CSMD1: variants seen among roughly 807,000 people sequenced by gnomAD.
CSMD1 encodes CUB and Sushi multiple domains 1, also known as CUB and sushi domain-containing protein 1.
A neutral mutation model predicts 417.5 loss-of-function variants in CSMD1; 213 were observed. The observed-to-expected ratio is 0.51, with a 90% confidence interval of 0.46 to 0.57. CSMD1 has a LOEUF of 0.57. CSMD1 is among the 20% of genes least tolerant of loss of function. The probability of loss-of-function intolerance (pLI) is 0.00; values close to 1 mark genes in which losing one functional copy is unlikely to be tolerated. For missense variants in CSMD1, 6,923 were observed against 4,529.7 expected (o/e 1.53, Z -15.17); for synonymous variants, 2,862 against 1,736.8 (o/e 1.65, Z -16.11).
intron 5 of CSMD1, among the ~76,000 whole-genome samples, chr8:3,793,775 A>G (rs1333823231): frequency 6.6e-6 from 1 of 152,176 alleles, no homozygotes; most frequent in East Asian, 1.9e-4. Context: ...ACTTGACGAC[A>G]GAGACCTTGC....
At chr8:4,465,289 C>A (rs1454756912) in intron 2 of CSMD1, among the ~76,000 whole-genome samples, 1 of 152,114 alleles carries the variant, frequency 6.6e-6, no homozygotes, top group East Asian at 1.9e-4. Flanking sequence ...CAGGTGCTAA[C>A]CCAGACACTA....
intron 3 of CSMD1, among the ~76,000 whole-genome samples, chr8:4,072,336 C>T (rs899629656): frequency 2.0e-5 from 3 of 152,152 alleles, no homozygotes; most frequent in African/African-American, 7.2e-5. Context: ...TTCTACTTGA[C>T]ACAAACGTAC....
intron 3 of CSMD1, among the ~76,000 whole-genome samples, chr8:4,384,969 G>A (rs1484137306): frequency 1.3e-5 from 2 of 152,174 alleles, no homozygotes; most frequent in Admixed American, 6.5e-5. Flanking sequence ...CACCCAGGAT[G>A]GAGTGCAATG....
intron 5 of CSMD1, among the ~76,000 whole-genome samples, chr8:3,995,046 C>T (rs13281307): frequency 0.22 from 32,954 of 152,002 alleles, 3,902 homozygotes; most frequent in South Asian, 0.37. Flanking sequence ...CTATGCAATT[C>T]GGGAATGGGG....
chr8:3,006,888 A>G (rs1186859341), intron 52 of CSMD1, among the ~76,000 whole-genome samples: 2 of 141,502 alleles, frequency 1.4e-5, no homozygotes, highest in African/African-American at 6.2e-5. Context: ...CTAAAACACC[A>G]AAAGCAATGG....
intron 2 of CSMD1, among the ~76,000 whole-genome samples, chr8:4,474,903 A>G (rs1221462390): frequency 6.6e-6 from 1 of 152,206 alleles, no homozygotes; most frequent in East Asian, 1.9e-4. Context: ...TTCTTGTAAG[A>G]CTATACATAT....
intron 2 of CSMD1, among the ~76,000 whole-genome samples, chr8:4,470,698 G>C (rs1164656724): frequency 2.0e-5 from 3 of 152,092 alleles, no homozygotes; most frequent in Non-Finnish European, 2.9e-5. Flanking sequence ...TGGTACGAAA[G>C]AGTAAAGACA....
At chr8:3,251,160 T>A (rs1206428516) in intron 26 of CSMD1, among the ~76,000 whole-genome samples, 7 of 152,306 alleles carry the variant, frequency 4.6e-5, no homozygotes, top group South Asian at 2.1e-4. Flanking sequence ...CTGAATGGTA[T>A]TGCCTAGGTT....
At chr8:4,081,616 T>G (rs1297225059) in intron 3 of CSMD1, among the ~76,000 whole-genome samples, 1 of 152,132 alleles carries the variant, frequency 6.6e-6, no homozygotes, top group Non-Finnish European at 1.5e-5. Flanking sequence ...ATAAATTTTT[T>G]GAAGGACAAA....
intron 3 of CSMD1, among the ~76,000 whole-genome samples, chr8:4,408,861 T>TA (rs1475634574): frequency 1.3e-5 from 2 of 152,150 alleles, no homozygotes; most frequent in African/African-American, 4.8e-5. Context: ...AAAATATACT[T>TA]ACGTTTAGAA....
At chr8:4,774,904 G>A (rs1283963453) in intron 1 of CSMD1, among the ~76,000 whole-genome samples, 2 of 152,158 alleles carry the variant, frequency 1.3e-5, no homozygotes, top group African/African-American at 4.8e-5. Context: ...CTCCGCAGAA[G>A]CCAGGCAGCT....
intron 3 of CSMD1, among the ~76,000 whole-genome samples, chr8:4,228,183 G>C (rs1293281107): frequency 6.6e-6 from 1 of 152,144 alleles, no homozygotes; most frequent in Non-Finnish European, 1.5e-5. Context: ...CACCCTGCAT[G>C]CAATCCCACA....
chr8:3,892,238 T>C (rs1419384038), intron 5 of CSMD1, among the ~76,000 whole-genome samples: 1 of 152,142 alleles, frequency 6.6e-6, no homozygotes, highest in Admixed American at 6.5e-5. Context: ...AGGTCAAGCA[T>C]TTACTCAGAT....
intron 3 of CSMD1, among the ~76,000 whole-genome samples, chr8:4,385,194 A>T (rs989900113): frequency 6.6e-6 from 1 of 152,084 alleles, no homozygotes; most frequent in African/African-American, 2.4e-5. Flanking sequence ...TCTTAAAGTG[A>T]TGTGATTACA....
At chr8:4,358,755 A>G (rs1045917064) in intron 3 of CSMD1, among the ~76,000 whole-genome samples, 1 of 152,210 alleles carries the variant, frequency 6.6e-6, no homozygotes, top group African/African-American at 2.4e-5. Flanking sequence ...TATGATTTCA[A>G]AAAGCAATTA....
intron 7 of CSMD1, among the ~76,000 whole-genome samples, chr8:3,629,732 A>G (rs1584986393): frequency 2.0e-5 from 2 of 98,432 alleles, no homozygotes; most frequent in South Asian, 6.2e-4. Flanking sequence ...AAGGTAAAAC[A>G]CTATATGCCA....
intron 2 of CSMD1, among the ~76,000 whole-genome samples, chr8:4,467,863 G>A (rs1250488426): frequency 6.6e-6 from 1 of 152,172 alleles, no homozygotes; most frequent in Admixed American, 6.5e-5. Flanking sequence ...GTGAAAAGGA[G>A]TTCCAAAAAA....
chr8:4,220,184 C>T (rs1255170263), intron 3 of CSMD1, among the ~76,000 whole-genome samples: 1 of 152,160 alleles, frequency 6.6e-6, no homozygotes, highest in Non-Finnish European at 1.5e-5. Flanking sequence ...CTCCTGACGT[C>T]AGGTGATGTG....
chr8:2,968,135 T>C (rs1479348657), intron 57 of CSMD1, among the ~76,000 whole-genome samples: 1 of 152,222 alleles, frequency 6.6e-6, no homozygotes, highest in Non-Finnish European at 1.5e-5. Flanking sequence ...TTATGATAAC[T>C]ATACTATATA....
Sources: allele counts gnomAD v4.1 joint callset (sites outside exome capture counted in the v4.1 genomes callset), GRCh38; gene constraint gnomAD v4.1.1; transcripts MANE v1.5; gene names NCBI Gene and HGNC (gene_info 2026-07-23, HGNC 2026-07-21).